The following STAG2 variants were observed in gnomAD, a reference collection of about 807,000 sequenced individuals.
The protein encoded by STAG2 is cohesin subunit SA-2.
A neutral mutation model predicts 108.1 loss-of-function variants in STAG2; 14 were observed. The observed-to-expected ratio is 0.13, with a 90% CI of 0.09 to 0.20. The LOEUF (loss-of-function observed/expected upper bound fraction) is 0.20, where lower values mean the gene tolerates loss of function less well. STAG2 is among the 10% of genes least tolerant of loss of function. STAG2 has a pLI of 1.00. For missense variants in STAG2, 440 were observed against 940.9 expected, an observed-to-expected ratio of 0.47 and a Z score of 6.96; for synonymous variants, 307 against 302.7, an observed-to-expected ratio of 1.01 and a Z score of -0.15.
intron 29 of STAG2, 117 bp from the exon 30 acceptor site, chrX:124,086,430 A>G (rs988147597): frequency 6.0e-6 from 3 of 502,795 alleles, no homozygotes; most frequent in Non-Finnish European, 9.9e-6. Context: ...TTGTTCATTA[A>G]TGTCCTGTAA....
rs552800331 is a variant in STAG2 at position 124,094,924 on chromosome X, A to G, written c.3706-448A>G. ...TTTCCGGTTTTTGTCTCTTAGGATA[A>G]TTTTCCATGAGTTTTTTTTTTGAGA... On this transcript the variant is annotated intron_variant, in intron 33 of 34. Coordinates refer to ENST00000371145, the MANE Select transcript of STAG2 (RefSeq NM_001042750.2). Among the ~76,000 whole-genome samples, 3 of 103,896 alleles carry G rather than the reference A, an allele frequency of 2.9e-5. No homozygotes were observed. In the South Asian group the frequency reaches 1.5e-3, roughly 52 times the overall value. The allele number at this position is 103,896 out of a possible 115,157, so 90.2% of individuals were successfully genotyped here.
chrX:123,999,158 C>CAT (rs1463152187), intron 1 of STAG2, among the ~76,000 whole-genome samples: 1 of 111,531 alleles, frequency 9.0e-6, no homozygotes, highest in East Asian at 2.8e-4. Flanking sequence ...TTTCTATACA[C>CAT]ATATATATGT....
chrX:124,073,443 G>GGTCT (rs1362699357), intron 25 of STAG2, among the ~76,000 whole-genome samples: 1 of 110,244 alleles, frequency 9.1e-6, no homozygotes, highest in Non-Finnish European at 1.9e-5. Context: ...TGTGTGACAG[G>GGTCT]GTCTCACTGT....
In STAG2 at chrX:124,049,090, C is replaced by A. The variant is rs1454367538; in HGVS notation, c.893+12C>A. ...GTACATAGATACCGGTAAGTTGTGA[C>A]AGTTTTTTTCATAAATAGCATTATG... is the stretch of plus-strand genomic sequence containing the variant. On this transcript the variant is annotated intron_variant, in intron 10 of 34. Transcript: ENST00000371145. 2.6e-6 allele frequency: 3 copies of A among 1,142,653 alleles called. No individual in the cohort carries two copies. The highest frequency in any genetic ancestry group is 2.4e-6 in the Non-Finnish European group (2 of 839,957). The allele number at this position is 1,142,653 out of a possible 1,213,427, so 94.2% of individuals were successfully genotyped here. A position where few individuals can be genotyped will look rare whatever the true frequency, so the allele number is the denominator to read the frequency against.
At chrX:124,029,210 G>A (rs1371821071) in intron 4 of STAG2, among the ~76,000 whole-genome samples, 2 of 107,237 alleles carry the variant, frequency 1.9e-5, no homozygotes, top group African/African-American at 3.4e-5. Flanking sequence ...GTAGAGATGG[G>A]GTTTCACCGT....
chrX:124,086,549 A>G lies in STAG2; in HGVS notation c.3056A>G (p.Tyr1019Cys), dbSNP rs1384999249. Reference protein sequence around the residue: ...KLLRQDKRTVYVYLEKFMTFQ... With the variant: ...KLLRQDKRTVCVYLEKFMTFQ... ...AACAGTTTCGATTTCTTTTCAAGGT[A>G]TGTTTACTTGGAAAAGTTCATGACC... The change falls in exon 30 of 35, where the codon TAT becomes TGT. Residue 1019 changes from tyrosine (Y) to cysteine (C), a missense_variant and splice_region_variant. Tyr to Cys is a radical substitution (Grantham distance 194). Transcript: ENST00000371145. 2 of 1,199,229 alleles carry G rather than the reference A, an allele frequency of 1.7e-6. No homozygotes were observed. Among genetic ancestry groups the G allele is most frequent in the East Asian group, 3.0e-5 (1 of 33,795 alleles).
chrX:124,031,616 C>T (rs1419515978), intron 5 of STAG2, among the ~76,000 whole-genome samples: 1 of 108,925 alleles, frequency 9.2e-6, no homozygotes, highest in Non-Finnish European at 1.9e-5. Context: ...CGGGGTTTCA[C>T]CATGTTGGCC....
intron 29 of STAG2, among the ~76,000 whole-genome samples, chrX:124,085,408 A>G (rs2059074761): frequency 9.0e-6 from 1 of 111,115 alleles, no homozygotes. Flanking sequence ...CAGACTTAAC[A>G]GTTTTTGGAG....
chrX:124,008,920 A>G (rs979017775), intron 1 of STAG2, among the ~76,000 whole-genome samples: 2 of 110,907 alleles, frequency 1.8e-5, no homozygotes, highest in Non-Finnish European at 3.8e-5. Context: ...CTAATTGAGA[A>G]GTTTCTTTCC....
chrX:124,039,636 CTTTCT>C (rs1344876787), intron 6 of STAG2, among the ~76,000 whole-genome samples: 7 of 61,123 alleles, frequency 1.1e-4, no homozygotes, highest in South Asian at 1.6e-3. Context: ...GAGTTTCTTT[CTTTCT>C]TTTTTTTTTT....
intron 5 of STAG2, among the ~76,000 whole-genome samples, chrX:124,037,045 C>G (rs1420622602): frequency 9.1e-6 from 1 of 109,957 alleles, no homozygotes; most frequent in East Asian, 2.9e-4. Flanking sequence ...ACCACCACGC[C>G]TGGCTAATTT....
rs113210298 is a variant in STAG2, at chrX:123,966,228, TGAGGCAGGCG to T, written c.-163+4375_-163+4384del. 6.6e-3 allele frequency among the ~76,000 whole-genome samples: 724 copies of T among 110,164 alleles called. 6 individuals are homozygous for T. The highest frequency in any genetic ancestry group is 0.023 in the African/African-American group (685 of 30,272). On this transcript the variant is annotated intron_variant, in intron 1 of 34. Transcript: ENST00000371145. The stretch of plus-strand genomic sequence containing the variant: ...CTGTAATCCTAGCACTTTGGAAGGC[TGAGGCAGGCG>T]GATCATGAGGTCAGGAGTTCAAGAC...
chrX:123,990,341 CAA>C (rs1388651721), intron 1 of STAG2, among the ~76,000 whole-genome samples: 4 of 111,849 alleles, frequency 3.6e-5, no homozygotes, highest in African/African-American at 1.3e-4. Flanking sequence ...TGTAACTATA[CAA>C]AGTGATACTC....
Position 124,101,254 on chromosome X carries a change from A to C in STAG2, c.*657A>C, listed in dbSNP as rs1347593003. On this transcript the variant is annotated 3_prime_UTR_variant, in exon 35 of 35. Coordinates refer to ENST00000371145, the MANE Select transcript of STAG2 (RefSeq NM_001042750.2). Reference sequence around the variant, plus strand: ...TTTCAGAAATATCCAGATGCAGTGAACTGCCAGAAGGTAACCAGTCTCAAA... The same window carrying C: ...TTTCAGAAATATCCAGATGCAGTGACCTGCCAGAAGGTAACCAGTCTCAAA... The C allele has an allele frequency of 1.3e-5, 2 of 151,350 alleles. No homozygotes were observed. The highest frequency in any genetic ancestry group is 2.6e-5 in the Non-Finnish European group (2 of 77,022). The allele number at this position is 151,350 out of a possible 1,213,427, so 12.5% of individuals were successfully genotyped here. A position where few individuals can be genotyped will look rare whatever the true frequency, so the allele number is the denominator to read the frequency against.
intron 1 of STAG2, among the ~76,000 whole-genome samples, chrX:124,005,920 G>C (rs764780336): frequency 9.0e-6 from 1 of 111,306 alleles, no homozygotes; most frequent in Non-Finnish European, 1.9e-5. Flanking sequence ...GGCAATCTTT[G>C]GTGTCCTTTG....
At chrX:124,037,492 A>C in intron 5 of STAG2, 35 bp from the exon 6 acceptor site, 1 of 963,588 alleles carries the variant, frequency 1.0e-6, no homozygotes, top group Non-Finnish European at 1.4e-6. Context: ...AAATTAGAAG[A>C]AGCTAATGAT....
intron 28 of STAG2, 125 bp downstream of exon 28, chrX:124,081,653 T>G: frequency 1.9e-6 from 1 of 513,591 alleles, no homozygotes; most frequent in Non-Finnish European, 3.0e-6. Context: ...TATAAATCTC[T>G]ACCCTATCTC....
chrX:123,964,181 C>A (rs1482846923), intron 1 of STAG2, among the ~76,000 whole-genome samples: 2 of 108,573 alleles, frequency 1.8e-5, no homozygotes, highest in Admixed American at 2.0e-4. Context: ...TTTATATTTA[C>A]ATGTCAAAAT....
At chrX:124,083,633 A>G in intron 29 of STAG2, 84 bp downstream of exon 29, 1 of 801,798 alleles carries the variant, frequency 1.2e-6, no homozygotes, top group East Asian at 3.8e-5. Context: ...TCTCCTTTCT[A>G]CTCACACAGA....
Sources: allele counts gnomAD v4.1 joint callset (sites outside exome capture counted in the v4.1 genomes callset), GRCh38; gene constraint gnomAD v4.1.1; transcripts MANE v1.5; gene names NCBI Gene and HGNC (gene_info 2026-07-23, HGNC 2026-07-21).